Variants in RNF14 observed in about 807,000 individuals in gnomAD.
The protein encoded by RNF14 is E3 ubiquitin-protein ligase RNF14.
Under a neutral mutation model 52.6 loss-of-function variants are expected in RNF14, and 26 were observed. The observed-to-expected ratio is 0.49, with a 90% CI of 0.36 to 0.69. The LOEUF (loss-of-function observed/expected upper bound fraction) is 0.69, where lower values mean the gene tolerates loss of function less well. Among genes scored for constraint, RNF14 ranks in the 30% least tolerant of loss-of-function variants. The pLI is 0.00. For missense variants in RNF14, 404 were observed against 560.4 expected (o/e 0.72, Z 2.82); for synonymous variants, 194 against 202.0 (o/e 0.96, Z 0.34).
At chr5:141,974,125 C>T (rs1754036801) in intron 3 of RNF14, among the ~76,000 whole-genome samples, 1 of 152,200 alleles carries the variant, frequency 6.6e-6, no homozygotes, top group African/African-American at 2.4e-5. Flanking sequence ...ATTTCAACTA[C>T]TATAAACATA....
chr5:141,955,091 A>G, upstream of RNF14: 1 of 1,614,176 alleles, frequency 6.2e-7, no homozygotes, highest in Non-Finnish European at 8.5e-7. The surrounding 1 kb of genome is among the most constrained non-coding windows in gnomAD (Gnocchi z 5.5). Context: ...TTCTCAGGGG[A>G]CACTTTGCCA....
upstream of RNF14, among the ~76,000 whole-genome samples, chr5:141,965,743 G>A (rs946179735): frequency 6.6e-6 from 1 of 152,238 alleles, no homozygotes; most frequent in African/African-American, 2.4e-5. Context: ...TCACTTGTAA[G>A]TGGAAGCTAA....
upstream of RNF14, chr5:141,956,084 C>T: frequency 6.2e-7 from 1 of 1,614,154 alleles, no homozygotes. Flanking sequence ...TCGATGGGCA[C>T]CAGCAGGTGG....
At chr5:141,965,376 A>G (rs1753321746), upstream of RNF14, among the ~76,000 whole-genome samples, 1 of 152,140 alleles carries the variant, frequency 6.6e-6, no homozygotes, top group Admixed American at 6.5e-5. Context: ...TAGGTGGTAC[A>G]CTGTAACCTC....
Position 141,980,358 on chromosome 5 carries a change from T to C in RNF14, c.1063+7T>C. 6.2e-7 allele frequency: 1 copy of C among 1,608,934 alleles called. No individual in the cohort carries two copies. The highest frequency in any genetic ancestry group is 1.1e-5 in the South Asian group (1 of 90,986). ...CCATGTAAGGTGACTGCAGGTATGT[T>C]TTAACTGTGAACCCAAACCCCCATC... On this transcript the variant is annotated splice_region_variant and intron_variant, in intron 6 of 8. Coordinates refer to ENST00000394520, the MANE Select transcript of RNF14 (RefSeq NM_004290.5).
At chr5:141,965,175 A>G (rs1234156286), upstream of RNF14, among the ~76,000 whole-genome samples, 1 of 152,152 alleles carries the variant, frequency 6.6e-6, no homozygotes, top group African/African-American at 2.4e-5. Flanking sequence ...AGTGGTGGCC[A>G]TGGAAAAGGA....
At chr5:141,958,867 C>T (rs1753228749) in intron 1 of RNF14, 1 of 152,360 alleles carries the variant, frequency 6.6e-6, no homozygotes. Flanking sequence ...GGCCCCGAGT[C>T]ACAGGCAGTG....
At chr5:141,961,200 T>C (rs1753272498) in intron 1 of RNF14, among the ~76,000 whole-genome samples, 1 of 152,082 alleles carries the variant, frequency 6.6e-6, no homozygotes. Flanking sequence ...GTTATATATC[T>C]GTTGGGTGTG....
chr5:141,955,395 G>A, upstream of RNF14: 1 of 1,613,980 alleles, frequency 6.2e-7, no homozygotes, highest in Admixed American at 1.7e-5. The surrounding 1 kb of genome is among the most constrained non-coding windows in gnomAD (Gnocchi z 5.5). Flanking sequence ...ACAGGGTCGG[G>A]GTGAGGTGGA....
At position 141,978,307 on chromosome 5, in the gene RNF14, C is replaced by G. The variant is rs1250444499; in HGVS notation, c.311C>G (p.Ser104Cys). ...SGKWLSPTQL[S>C]ALCKHLDNLW... ...TCTTCATGTGTTTTCTCCTAGCTAT[C>G]TGCTCTATGCAAGCACTTAGACAAC... The change falls in exon 5 of 9, where the codon TCT becomes TGT. Residue 104 changes from serine to cysteine, a missense_variant. Transcript: ENST00000394520. 4 of 1,574,874 alleles carry G rather than the reference C, an allele frequency of 2.5e-6. No homozygotes were observed. Among genetic ancestry groups the G allele is most frequent in the Non-Finnish European group, 3.5e-6 (4 of 1,158,320 alleles).
chr5:141,956,989 G>A, upstream of RNF14: 3 of 1,614,184 alleles, frequency 1.9e-6, no homozygotes, highest in South Asian at 1.1e-5. Flanking sequence ...CACCTCTGGA[G>A]GCATGTGCTT....
At chr5:141,957,698 CCTGGGACAGCTTCCCGATCA>C (rs772541982), upstream of RNF14, 9 of 1,614,076 alleles carry the variant, frequency 5.6e-6, no homozygotes, top group Non-Finnish European at 6.8e-6. This position sits in a 1 kb window ranked among gnomAD's most constrained non-coding sequence, Gnocchi z 4.3. Flanking sequence ...CGGCCCAGTT[CCTGGGACAGCTTCCCGATCA>C]CTGTACCAGA....
intron 2 of RNF14, among the ~76,000 whole-genome samples, chr5:141,973,292 G>A (rs138351051): frequency 1.2e-4 from 17 of 146,628 alleles, no homozygotes; most frequent in African/African-American, 3.5e-4. Flanking sequence ...AGGCTGGAGT[G>A]CAGTGGCGTG....
intron 6 of RNF14, 140 bp from the exon 7 acceptor site, chr5:141,983,240 C>T (rs1754936744): frequency 1.5e-6 from 1 of 655,330 alleles, no homozygotes; most frequent in South Asian, 2.1e-5. Flanking sequence ...CATCTCCATG[C>T]ATATGACTTT....
chr5:141,973,871 C>T (rs1316680572), intron 3 of RNF14, 129 bp downstream of exon 3: 2 of 773,166 alleles, frequency 2.6e-6, no homozygotes, highest in Non-Finnish European at 3.9e-6. Context: ...ATGCATGTTT[C>T]TGTTTTAAAT....
chr5:141,959,706 A>G (rs982894150), intron 1 of RNF14, among the ~76,000 whole-genome samples: 1 of 152,072 alleles, frequency 6.6e-6, no homozygotes, highest in Non-Finnish European at 1.5e-5. Flanking sequence ...CCTTAACTCC[A>G]TATCCCACTC....
At chr5:141,959,417 T>A (rs1753236368) in intron 1 of RNF14, among the ~76,000 whole-genome samples, 2 of 152,218 alleles carry the variant, frequency 1.3e-5, no homozygotes, top group Non-Finnish European at 2.9e-5. Context: ...TTATTGCTTC[T>A]TATTGTGCCC....
the RNF14 span, among the ~76,000 whole-genome samples, chr5:141,951,045 A>G: frequency 3.3e-5 from 5 of 152,152 alleles, no homozygotes; most frequent in African/African-American, 1.2e-4. Flanking sequence ...GTTGGATTTG[A>G]TGTTCTCTTA....
rs797017134 is a variant in RNF14 at position 141,990,003 on chromosome 5, AAC to A, written c.*2217_*2218del. ...TTTTCCCATTTATGATATTAAAAAC[AAC>A]ACAGGTATTTGGTGTTTAGTCTCAA... On this transcript the variant is annotated 3_prime_UTR_variant, in exon 9 of 9. Coordinates refer to ENST00000394520, the MANE Select transcript of RNF14 (RefSeq NM_004290.5). 3.1e-4 allele frequency: 47 copies of A among 152,368 alleles called. No individual in the cohort carries two copies. Among genetic ancestry groups the A allele is most frequent in the African/African-American group, 1.1e-3 (45 of 41,592 alleles). The allele number at this position is 152,368 out of a possible 1,614,324, so 9.4% of individuals were successfully genotyped here. A position where few individuals can be genotyped will look rare whatever the true frequency, so the allele number is the denominator to read the frequency against.
Sources: gnomAD v4.1 joint callset for allele counts (sites outside exome capture counted in the v4.1 genomes callset) on GRCh38, gnomAD v4.1.1 for gene constraint, Gnocchi (gnomAD v3.1) non-coding constraint, MANE v1.5 for transcripts, NCBI Gene and HGNC (gene_info 2026-07-23, HGNC 2026-07-21) for gene names.